Variants in MYRIP observed in about 807,000 individuals in gnomAD.
MYRIP encodes the protein rab effector MyRIP.
Under a neutral mutation model 98.0 loss-of-function variants are expected in MYRIP, and 49 were observed. The ratio of observed to expected loss-of-function variants is 0.50; its 90% CI spans 0.40 to 0.63. MYRIP has a LOEUF of 0.63. MYRIP is among the 30% of genes least tolerant of loss of function. The probability of loss-of-function intolerance (pLI) is 0.00; values close to 1 mark genes in which losing one functional copy is unlikely to be tolerated. For synonymous variants in MYRIP, 404 were observed against 409.5 expected, an observed-to-expected ratio of 0.99 and a Z score of 0.16; for missense variants, 1,004 against 1,058.2, an observed-to-expected ratio of 0.95 and a Z score of 0.71.
intron 1 of MYRIP, among the ~76,000 whole-genome samples, chr3:39,838,160 A>G (rs1209876282): frequency 2.0e-5 from 3 of 151,916 alleles, no homozygotes; most frequent in Non-Finnish European, 2.9e-5. Flanking sequence ...GCAAACAGAG[A>G]CAATTTGACT....
intron 2 of MYRIP, among the ~76,000 whole-genome samples, chr3:39,917,844 A>G (rs4676541): frequency 0.44 from 66,879 of 151,812 alleles, 14,956 homozygotes; most frequent in East Asian, 0.53. Context: ...ATTAAAAAGT[A>G]TTAAGATTCT....
At chr3:40,085,071 C>T (rs1948596203) in intron 3 of MYRIP, among the ~76,000 whole-genome samples, 1 of 147,376 alleles carries the variant, frequency 6.8e-6, no homozygotes, top group Non-Finnish European at 1.5e-5. Context: ...GTTATATATC[C>T]ACAGATAATA....
chr3:39,895,852 T>A (rs1943595105), intron 1 of MYRIP, among the ~76,000 whole-genome samples: 1 of 152,208 alleles, frequency 6.6e-6, no homozygotes, highest in Admixed American at 6.5e-5. Flanking sequence ...GATCAGGTAC[T>A]AAGTCACCAG....
At chr3:39,967,801 C>A (rs886538958) in intron 2 of MYRIP, among the ~76,000 whole-genome samples, 3 of 152,102 alleles carry the variant, frequency 2.0e-5, no homozygotes, top group African/African-American at 7.2e-5. Flanking sequence ...TGGTATCTCA[C>A]TGCGGTTTTT....
chr3:40,219,752 G>A (rs575988490), intron 11 of MYRIP, among the ~76,000 whole-genome samples: 152 of 152,190 alleles, frequency 1.0e-3, no homozygotes, highest in Middle Eastern at 3.4e-3. Context: ...CATTTGGCTT[G>A]GTTCCAAGTC....
intron 9 of MYRIP, among the ~76,000 whole-genome samples, chr3:40,182,596 G>C (rs1950910927): frequency 6.6e-6 from 1 of 152,174 alleles, no homozygotes; most frequent in Non-Finnish European, 1.5e-5. Context: ...GCAGAATGAA[G>C]GCTCTTAGGG....
intron 2 of MYRIP, among the ~76,000 whole-genome samples, chr3:40,021,672 A>G (rs2125807401): frequency 6.6e-6 from 1 of 152,304 alleles, no homozygotes; most frequent in Admixed American, 6.5e-5. Context: ...AAAAATATCT[A>G]TTTCTGTGGG....
At chr3:40,136,733 C>A (rs554913092) in intron 3 of MYRIP, among the ~76,000 whole-genome samples, 1 of 152,224 alleles carries the variant, frequency 6.6e-6, no homozygotes, top group Non-Finnish European at 1.5e-5. Flanking sequence ...AAGAAACTCA[C>A]GCAAAACTGA....
intron 2 of MYRIP, among the ~76,000 whole-genome samples, chr3:40,015,481 C>G (rs1337917730): frequency 2.6e-5 from 4 of 152,328 alleles, no homozygotes; most frequent in Non-Finnish European, 2.9e-5. Flanking sequence ...AAGAACATCT[C>G]CCTCACAATC....
At chr3:40,036,302 C>CAAAAAAAA (rs71091786) in intron 2 of MYRIP, among the ~76,000 whole-genome samples, 6 of 64,286 alleles carry the variant, frequency 9.3e-5, no homozygotes, top group East Asian at 4.0e-4. Context: ...CAACTGATAC[C>CAAAAAAAA]AAAAAAAAAA....
In MYRIP at chr3:40,209,880, C is replaced by T. The variant is rs1412540158; in HGVS notation, c.1692C>T (p.Asp564=). 1.2e-6 allele frequency: 2 copies of T among 1,613,850 alleles called. No individual in the cohort carries two copies. The highest frequency in any genetic ancestry group is 2.2e-5 in the East Asian group (1 of 44,878). The part of the protein sequence containing the change: ...HQVSDDLSET[D]ISNEARDPQT... ...TGTCGGATGATTTATCAGAGACAGA[C>T]ATCAGCAATGAGGCTCGGGATCCCC... The change falls in exon 11 of 17, where the codon GAC becomes GAT. Residue 564 remains aspartate (D), a synonymous_variant. Transcript: ENST00000302541.
chr3:39,829,786 A>G (rs1215337682), intron 1 of MYRIP, among the ~76,000 whole-genome samples: 1 of 152,158 alleles, frequency 6.6e-6, no homozygotes, highest in Non-Finnish European at 1.5e-5. Flanking sequence ...AAATTGCATG[A>G]GTTGCTGTAT....
chr3:40,164,278 G>A (rs964480580), intron 5 of MYRIP, among the ~76,000 whole-genome samples: 1 of 152,098 alleles, frequency 6.6e-6, no homozygotes, highest in African/African-American at 2.4e-5. Context: ...TAATTTCAGT[G>A]GCCATCTGTA....
chr3:39,870,764 G>A (rs1469756199), intron 1 of MYRIP, among the ~76,000 whole-genome samples: 1 of 152,094 alleles, frequency 6.6e-6, no homozygotes, highest in East Asian at 1.9e-4. Flanking sequence ...ATACAACCAG[G>A]CATTATTTTG....
At position 40,244,540 on chromosome 3, in the gene MYRIP, C is replaced by T; in HGVS notation, c.2195C>T (p.Thr732Ile). The change falls in exon 13 of 17, where the codon ACC (threonine) becomes ATC (isoleucine). Residue 732 changes from threonine (T) to isoleucine (I), a missense_variant. Thr to Ile is a moderately conservative substitution (Grantham distance 89). Around this residue, in one of 3 missense-constraint regions of MYRIP, gnomAD observed 880 missense variants for 907.7 expected, o/e 0.97. Coordinates refer to ENST00000302541, the MANE Select transcript of MYRIP (RefSeq NM_015460.4). ...TGCATCCACAGTGGCACTGATGAGA[C>T]CCATCTGGCGGATCTGGAGGACCAG... ...ARCIHSGTDETHLADLEDQVA... is the reference protein window; with the variant it reads ...ARCIHSGTDEIHLADLEDQVA... 6.2e-7 allele frequency: 1 copy of T among 1,614,044 alleles called. No homozygotes were observed. Among genetic ancestry groups the T allele is most frequent in the Non-Finnish European group, 8.5e-7 (1 of 1,179,946 alleles).
At chr3:39,847,465 G>A (rs1941999115) in intron 1 of MYRIP, among the ~76,000 whole-genome samples, 1 of 152,102 alleles carries the variant, frequency 6.6e-6, no homozygotes, top group East Asian at 1.9e-4. Flanking sequence ...TACACTTCTT[G>A]TTTCTGTAAC....
At position 39,892,867 on chromosome 3, in the gene MYRIP, C is replaced by T. The variant is rs567147092; in HGVS notation, c.-30-7920C>T. Among the ~76,000 whole-genome samples, 4 of 152,274 alleles carry T rather than the reference C, an allele frequency of 2.6e-5. No homozygotes were observed. In the East Asian group the frequency reaches 7.7e-4, roughly 29 times the overall value. On this transcript the variant is annotated intron_variant, in intron 1 of 16. Coordinates refer to ENST00000302541, the MANE Select transcript of MYRIP (RefSeq NM_015460.4). ...CTGTAGCACTTCCAATAAAATGCTT[C>T]TCACATAATGTCTCATGGGTGCTCA...
intron 2 of MYRIP, among the ~76,000 whole-genome samples, chr3:40,011,766 C>T (rs550344257): frequency 6.6e-6 from 1 of 152,110 alleles, no homozygotes; most frequent in Admixed American, 6.5e-5. Context: ...ATCTCTACTT[C>T]AACTTTGGAA....
chr3:39,885,298 T>G (rs1943262805), intron 1 of MYRIP, among the ~76,000 whole-genome samples: 2 of 152,066 alleles, frequency 1.3e-5, no homozygotes, highest in Admixed American at 6.6e-5. Context: ...GTCTTTGATG[T>G]GAAAAGACAA....
Sources: allele counts gnomAD v4.1 joint callset (sites outside exome capture counted in the v4.1 genomes callset), GRCh38; gene constraint gnomAD v4.1.1; regional missense constraint gnomAD v4.1.1; transcripts MANE v1.5; gene names NCBI Gene and HGNC (gene_info 2026-07-23, HGNC 2026-07-21).